Variants in SCG3 observed in about 807,000 individuals in gnomAD.
SCG3 encodes the protein secretogranin III, also known as secretogranin-3.
Under a neutral mutation model 56.2 loss-of-function variants are expected in SCG3, and 38 were observed. The ratio of observed to expected loss-of-function variants is 0.68; its 90% CI spans 0.52 to 0.89. The LOEUF (loss-of-function observed/expected upper bound fraction) is 0.89, where lower values mean the gene tolerates loss of function less well. Among genes scored for constraint, SCG3 ranks in the 40% least tolerant of loss-of-function variants. SCG3 has a pLI of 0.00. For synonymous variants in SCG3, 176 were observed against 184.2 expected (o/e 0.96, Z 0.36); for missense variants, 524 against 540.7 (o/e 0.97, Z 0.31).
chr15:51,710,844 C>A (rs2055416288), intron 10 of SCG3, among the ~76,000 whole-genome samples: 1 of 151,636 alleles, frequency 6.6e-6, no homozygotes, highest in East Asian at 1.9e-4. Context: ...GATCTGCCCA[C>A]CCTGGCCTCC....
intron 10 of SCG3, among the ~76,000 whole-genome samples, chr15:51,710,978 T>C (rs1291858942): frequency 3.9e-5 from 6 of 152,130 alleles, no homozygotes; most frequent in African/African-American, 7.2e-5. Context: ...AGTAGCTTCA[T>C]TGGGAAGTGA....
At chr15:51,682,398 T>C (rs1394997331) in intron 1 of SCG3, 119 bp from the exon 2 acceptor site, 5 of 548,224 alleles carry the variant, frequency 9.1e-6, no homozygotes, top group Admixed American at 3.7e-5. Flanking sequence ...ATTTGTTTCA[T>C]AGTCATCCAA....
intron 4 of SCG3, among the ~76,000 whole-genome samples, chr15:51,684,894 A>G (rs2055218404): frequency 6.6e-6 from 1 of 152,242 alleles, no homozygotes; most frequent in South Asian, 2.1e-4. Flanking sequence ...GAAATAATAT[A>G]TGAGGGAATA....
chr15:51,684,978 G>A (rs770214863), intron 4 of SCG3, among the ~76,000 whole-genome samples: 7 of 152,248 alleles, frequency 4.6e-5, no homozygotes, highest in Non-Finnish European at 7.3e-5. Context: ...TTAGGAGTAA[G>A]TACAGGTTTT....
chr15:51,707,153 A>T (rs2055381504), intron 10 of SCG3, among the ~76,000 whole-genome samples: 1 of 152,170 alleles, frequency 6.6e-6, no homozygotes. Context: ...TGAAATAAGC[A>T]TTCTAACACC....
At chr15:51,716,440 T>C (rs2055456448) in intron 11 of SCG3, among the ~76,000 whole-genome samples, 1 of 152,210 alleles carries the variant, frequency 6.6e-6, no homozygotes, top group South Asian at 2.1e-4. Context: ...ATTGAACATT[T>C]GCTTTGTACC....
At chr15:51,698,857 C>G (rs1412973915) in intron 8 of SCG3, among the ~76,000 whole-genome samples, 1 of 152,174 alleles carries the variant, frequency 6.6e-6, no homozygotes, top group African/African-American at 2.4e-5. Flanking sequence ...AGGTCCTAGG[C>G]TCCTCCTTGA....
intron 4 of SCG3, among the ~76,000 whole-genome samples, chr15:51,683,870 C>A (rs1007814836): frequency 1.3e-5 from 2 of 152,224 alleles, no homozygotes; most frequent in Non-Finnish European, 2.9e-5. Context: ...GTCATCCTAA[C>A]CTTTACGTGG....
At position 51,701,094 on chromosome 15, in the gene SCG3, A is replaced by C. The variant is rs961450758; in HGVS notation, c.1070-13A>C. On this transcript the variant is annotated splice_polypyrimidine_tract_variant and intron_variant, in intron 9 of 11. Coordinates refer to ENST00000220478, the MANE Select transcript of SCG3 (RefSeq NM_013243.4). Reference sequence around the variant, plus strand: ...AAACAGGGCTATGACAACAATGCTCAATCTGATTACAGCACCATCAGAGAA... The same window carrying C: ...AAACAGGGCTATGACAACAATGCTCCATCTGATTACAGCACCATCAGAGAA... The C allele has an allele frequency of 6.2e-7, 1 of 1,613,364 alleles. No individual in the cohort carries two copies. Among genetic ancestry groups the C allele is most frequent in the Admixed American group, 1.7e-5 (1 of 59,958 alleles).
At chr15:51,682,990 C>A (rs1376601005) in intron 2 of SCG3, 89 bp from the exon 3 acceptor site, 12 of 990,926 alleles carry the variant, frequency 1.2e-5, no homozygotes, top group Non-Finnish European at 7.6e-6. Context: ...ACAATTAAAT[C>A]CCATGGAGAT....
At chr15:51,707,950 T>C (rs2055386681) in intron 10 of SCG3, 1 of 152,206 alleles carries the variant, frequency 6.6e-6, no homozygotes, top group South Asian at 2.1e-4. Flanking sequence ...GACAACCCTA[T>C]TGATTTATAC....
chr15:51,701,374 C>A, intron 10 of SCG3, 130 bp downstream of exon 10: 1 of 895,818 alleles, frequency 1.1e-6, no homozygotes, highest in Non-Finnish European at 1.6e-6. Context: ...ATAGAACAGG[C>A]TTGGCATGTG....
intron 10 of SCG3, among the ~76,000 whole-genome samples, chr15:51,711,803 A>C (rs1203422649): frequency 6.6e-6 from 1 of 152,126 alleles, no homozygotes; most frequent in Non-Finnish European, 1.5e-5. Flanking sequence ...AGGACTAAAA[A>C]TTGTGGATCT....
chr15:51,714,195 G>C (rs1279469132), intron 11 of SCG3, among the ~76,000 whole-genome samples: 2 of 152,132 alleles, frequency 1.3e-5, no homozygotes, highest in Non-Finnish European at 2.9e-5. Context: ...ATATAGGGTT[G>C]GGAAGTGGGC....
chr15:51,683,140 A>G lies in SCG3; in HGVS notation c.181+16A>G. On this transcript the variant is annotated intron_variant, in intron 3 of 11. Coordinates refer to ENST00000220478, the MANE Select transcript of SCG3 (RefSeq NM_013243.4). The stretch of plus-strand genomic sequence containing the variant: ...TATCCTCCAGGTAAAAAGAAATCAT[A>G]TTGATGTTAATTTAAATAATGTAGG... 6.2e-7 allele frequency: 1 copy of G among 1,603,462 alleles called. No individual in the cohort carries two copies.
chr15:51,683,163 A>G, intron 3 of SCG3, 39 bp downstream of exon 3: 2 of 1,600,276 alleles, frequency 1.2e-6, no homozygotes, highest in Non-Finnish European at 1.7e-6. Context: ...TAAATAATGT[A>G]GGCTATGAGA....
chr15:51,707,141 G>C (rs2055381480), intron 10 of SCG3, among the ~76,000 whole-genome samples: 1 of 151,910 alleles, frequency 6.6e-6, no homozygotes, highest in South Asian at 2.1e-4. Context: ...TCATCCAAGG[G>C]ATGAAATAAG....
At chr15:51,710,796 A>C in intron 10 of SCG3, among the ~76,000 whole-genome samples, 1 of 114,020 alleles carries the variant, frequency 8.8e-6, no homozygotes, top group African/African-American at 3.5e-5. Flanking sequence ...GGGTTTTTCC[A>C]TGTTGCCCAG....
chr15:51,714,181 C>G (rs1217046212), intron 11 of SCG3, among the ~76,000 whole-genome samples: 1 of 152,096 alleles, frequency 6.6e-6, no homozygotes, highest in Non-Finnish European at 1.5e-5. Flanking sequence ...TGGAGAAGAG[C>G]AGCATATAGG....
Sources: allele counts gnomAD v4.1 joint callset (sites outside exome capture counted in the v4.1 genomes callset), GRCh38; gene constraint gnomAD v4.1.1; transcripts MANE v1.5; gene names NCBI Gene and HGNC (gene_info 2026-07-23, HGNC 2026-07-21).